RGS7: variants seen among roughly 807,000 people sequenced by gnomAD.
RGS7 encodes regulator of G protein signaling 7, also known as regulator of G-protein signaling 7.
Under a neutral mutation model 81.1 loss-of-function variants are expected in RGS7, and 27 were observed. The observed-to-expected ratio is 0.33, with a 90% confidence interval of 0.25 to 0.46. The LOEUF (loss-of-function observed/expected upper bound fraction) is 0.46. RGS7 is among the 20% of genes least tolerant of loss of function. RGS7 has a pLI of 1.00. For synonymous variants in RGS7, 208 were observed against 207.7 expected (o/e 1.00, Z -0.01); for missense variants, 396 against 607.4 (o/e 0.65, Z 3.66).
intron 2 of RGS7, among the ~76,000 whole-genome samples, chr1:241,340,079 A>T (rs971830107): frequency 5.3e-5 from 8 of 152,328 alleles, no homozygotes; most frequent in South Asian, 2.1e-4. Flanking sequence ...GAGAGTTAGA[A>T]CCTATTTCCA....
chr1:241,043,034 T>C (rs747574274), intron 3 of RGS7, among the ~76,000 whole-genome samples: 4 of 152,158 alleles, frequency 2.6e-5, no homozygotes, highest in Non-Finnish European at 4.4e-5. Context: ...ATACTTGCTT[T>C]CTTTTGTACA....
chr1:241,089,063 C>CTCTCTATATATATATATATA (rs1374552672), intron 3 of RGS7, among the ~76,000 whole-genome samples: 2 of 23,686 alleles, frequency 8.4e-5, no homozygotes, highest in African/African-American at 4.6e-4. Context: ...CTCTCTCTCT[C>CTCTCTATATATATATATATA]TATATATATA....
intron 3 of RGS7, among the ~76,000 whole-genome samples, chr1:241,065,042 A>G (rs1253759709): frequency 6.6e-6 from 1 of 152,142 alleles, no homozygotes; most frequent in Non-Finnish European, 1.5e-5. Context: ...GGCCTCACAG[A>G]GAAACCATGG....
chr1:241,069,081 G>C (rs2062270612), intron 3 of RGS7, among the ~76,000 whole-genome samples: 1 of 152,108 alleles, frequency 6.6e-6, no homozygotes, highest in Non-Finnish European at 1.5e-5. Flanking sequence ...TTCCTCTACA[G>C]CCTGCAGAAC....
chr1:241,265,957 G>A (rs1397375206), intron 2 of RGS7, among the ~76,000 whole-genome samples: 1 of 152,014 alleles, frequency 6.6e-6, no homozygotes, highest in Non-Finnish European at 1.5e-5. Context: ...ACCATGCCCA[G>A]CTAATTTTGT....
intron 3 of RGS7, among the ~76,000 whole-genome samples, chr1:241,087,970 C>CTATATA (rs1360836547): frequency 8.0e-5 from 7 of 87,550 alleles, no homozygotes; most frequent in African/African-American, 3.0e-4. Context: ...CTCTCTCTCT[C>CTATATA]TCTCTCTATA....
At chr1:240,958,758 CT>C (rs1382087461) in intron 4 of RGS7, among the ~76,000 whole-genome samples, 19 of 152,176 alleles carry the variant, frequency 1.2e-4, no homozygotes, top group Admixed American at 9.8e-4. Context: ...TTCCTTCTTG[CT>C]TTTCTTCACT....
intron 2 of RGS7, among the ~76,000 whole-genome samples, chr1:241,141,521 T>C (rs1384779927): frequency 1.3e-5 from 2 of 152,160 alleles, no homozygotes; most frequent in East Asian, 1.9e-4. Flanking sequence ...CTTACAGTCA[T>C]GGTGGAAGAC....
At chr1:240,883,896 T>C (rs1186551699) in intron 6 of RGS7, among the ~76,000 whole-genome samples, 1 of 151,744 alleles carries the variant, frequency 6.6e-6, no homozygotes, top group East Asian at 1.9e-4. Context: ...GCCAACATGG[T>C]GAAACCCCGT....
chr1:241,021,127 C>G (rs2059513649), intron 3 of RGS7, among the ~76,000 whole-genome samples: 1 of 152,096 alleles, frequency 6.6e-6, no homozygotes, highest in Non-Finnish European at 1.5e-5. Context: ...TCTCCAGAAC[C>G]AAAGAAGCTC....
chr1:240,853,160 G>GA (rs984913908), intron 9 of RGS7, among the ~76,000 whole-genome samples: 17 of 152,150 alleles, frequency 1.1e-4, no homozygotes, highest in Admixed American at 7.9e-4. Context: ...GATTTTCTTA[G>GA]AAAAAAATAA....
At chr1:240,813,948 C>T (rs561164278) in intron 12 of RGS7, among the ~76,000 whole-genome samples, 7 of 152,264 alleles carry the variant, frequency 4.6e-5, no homozygotes, top group African/African-American at 1.2e-4. Flanking sequence ...CTACCCATGC[C>T]TAAGCCATGT....
chr1:240,977,210 C>G (rs1684258958), intron 4 of RGS7, among the ~76,000 whole-genome samples: 1 of 151,366 alleles, frequency 6.6e-6, no homozygotes, highest in Admixed American at 6.6e-5. Flanking sequence ...GTATGTTCAC[C>G]AAGGACTAAA....
At position 240,989,075 on chromosome 1, in the gene RGS7, G is replaced by A. The variant is rs188260421; in HGVS notation, c.176-5946C>T. Among the ~76,000 whole-genome samples the A allele has an allele frequency of 1.6e-4, 24 of 152,152 alleles. No individual in the cohort carries two copies. In the East Asian group the frequency reaches 3.9e-3, roughly 25 times the overall value. On this transcript the variant is annotated intron_variant, in intron 3 of 18. Coordinates refer to ENST00000440928, the MANE Select transcript of RGS7 (RefSeq NM_001364886.1). ...AAATTCCATCCTGGATAACATGAGC[G>A]ACTGCTGCTTCTTTATCAATGCCAT...
At chr1:241,041,455 T>G (rs558474568) in intron 3 of RGS7, among the ~76,000 whole-genome samples, 108 of 152,068 alleles carry the variant, frequency 7.1e-4, no homozygotes, top group African/African-American at 2.5e-3. Flanking sequence ...GTACAGGCAC[T>G]TTCTCTCATG....
intron 2 of RGS7, among the ~76,000 whole-genome samples, chr1:241,173,849 A>G (rs1170155254): frequency 5.3e-5 from 8 of 152,198 alleles, no homozygotes; most frequent in Non-Finnish European, 1.0e-4. Flanking sequence ...CTACCCTCCC[A>G]TAGTCAAGCT....
chr1:241,259,606 C>T (rs1253129646), intron 2 of RGS7, among the ~76,000 whole-genome samples: 14 of 139,096 alleles, frequency 1.0e-4, no homozygotes, highest in African/African-American at 3.0e-4. Context: ...GCTGAGATTG[C>T]GCCATCGCAC....
At chr1:241,098,487 C>T (rs12026118) in intron 3 of RGS7, among the ~76,000 whole-genome samples, 179 bp downstream of exon 3, 32,183 of 152,032 alleles carry the variant, frequency 0.21, 3,426 homozygotes, top group Non-Finnish European at 0.22. Flanking sequence ...TGATTTTTGG[C>T]GTTTTGTTTT....
In RGS7 at chr1:241,268,620, G is replaced by T. The variant is rs571630565; in HGVS notation, c.78+87079C>A. ...TCCTGAAGCTAGGAGATACGAGAGGGAAAGTGGGGATGTAAATGCCACATG... is the reference window on the plus strand; with the variant it reads ...TCCTGAAGCTAGGAGATACGAGAGGTAAAGTGGGGATGTAAATGCCACATG... On this transcript the variant is annotated intron_variant, in intron 2 of 18. Coordinates refer to ENST00000440928, the MANE Select transcript of RGS7 (RefSeq NM_001364886.1). Among the ~76,000 whole-genome samples the T allele has an allele frequency of 7.2e-5, 11 of 152,190 alleles. No homozygotes were observed. In the East Asian group the frequency reaches 2.1e-3, roughly 29 times the overall value.
Sources: gnomAD v4.1 joint callset for allele counts (sites outside exome capture counted in the v4.1 genomes callset) on GRCh38, gnomAD v4.1.1 for gene constraint, MANE v1.5 for transcripts, NCBI Gene and HGNC (gene_info 2026-07-23, HGNC 2026-07-21) for gene names.